The following RGS18 variants were observed in gnomAD, a reference collection of about 807,000 sequenced individuals.
The protein encoded by RGS18 is regulator of G-protein signaling 18.
Under a neutral mutation model 27.6 loss-of-function variants are expected in RGS18, and 22 were observed. That is an observed-to-expected ratio of 0.80 (90% CI 0.57 to 1.14). RGS18 has a LOEUF of 1.14. Among genes scored for constraint, RGS18 ranks in the 50% most tolerant of loss-of-function variants. The pLI, the probability that RGS18 is intolerant of heterozygous loss-of-function variation, is 0.00. For missense variants in RGS18, 299 were observed against 269.6 expected (o/e 1.11, Z -0.76); for synonymous variants, 89 against 84.6 (o/e 1.05, Z -0.29).
intron 3 of RGS18, among the ~76,000 whole-genome samples, chr1:192,174,627 A>G (rs1656325972): frequency 1.3e-5 from 2 of 151,884 alleles, no homozygotes; most frequent in Non-Finnish European, 2.9e-5. Flanking sequence ...GTTATGTACT[A>G]GTAATAATTG....
At position 192,184,563 on chromosome 1, in the gene RGS18, G is replaced by T. The variant is rs1439313817; in HGVS notation, c.*9G>T. The T allele has an allele frequency of 3.7e-6, 6 of 1,607,598 alleles. No homozygotes were observed. Among genetic ancestry groups the T allele is most frequent in the Non-Finnish European group, 4.3e-6 (5 of 1,175,890 alleles). On this transcript the variant is annotated 3_prime_UTR_variant, in exon 5 of 5. Coordinates refer to ENST00000367460, the MANE Select transcript of RGS18 (RefSeq NM_130782.3). ...TTGCCATTTGGTTATAAAGAAAATT[G>T]ATTTTGCTCATTTTTATGACAAACT...
At chr1:192,178,725 C>T (rs1021832378) in intron 3 of RGS18, among the ~76,000 whole-genome samples, 5 of 151,486 alleles carry the variant, frequency 3.3e-5, no homozygotes, top group African/African-American at 1.2e-4. Context: ...GTGTAGAAAA[C>T]TTAATCAAAG....
intron 3 of RGS18, among the ~76,000 whole-genome samples, chr1:192,175,017 C>T (rs1183272345): frequency 6.6e-6 from 1 of 151,796 alleles, no homozygotes; most frequent in African/African-American, 2.4e-5. Flanking sequence ...AATCTATCTT[C>T]TATACAACTG....
intron 3 of RGS18, among the ~76,000 whole-genome samples, chr1:192,163,081 C>A (rs181766379): frequency 1.3e-5 from 2 of 152,248 alleles, no homozygotes; most frequent in Admixed American, 1.3e-4. Flanking sequence ...GCTTCCTAAT[C>A]ACTCTGACTT....
chr1:192,168,983 T>A (rs1557935919), intron 3 of RGS18: 1 of 152,218 alleles, frequency 6.6e-6, no homozygotes, highest in Non-Finnish European at 1.5e-5. Context: ...TACAGCAATG[T>A]GCTAAGACCT....
chr1:192,159,256 G>T lies in RGS18; in HGVS notation c.156G>T (p.Val52=). The change falls in exon 2 of 5, where the codon GTG becomes GTT. Residue 52 remains valine (V), a synonymous_variant. Transcript: ENST00000367460. ...AAAGAAATAGACTAAGTCTTCTTGT[G>T]CAGAAACCTGAGTTTCATGAAGACA... The part of the protein sequence containing the change: ...KEKRNRLSLL[V]QKPEFHEDTR... 1 of 1,613,680 alleles carries T rather than the reference G, an allele frequency of 6.2e-7. No homozygotes were observed.
chr1:192,169,409 A>G (rs1298911510), intron 3 of RGS18: 1 of 152,196 alleles, frequency 6.6e-6, no homozygotes, highest in African/African-American at 2.4e-5. Context: ...CTTTGGAAAT[A>G]TGACCTTGAA....
At chr1:192,167,319 C>T (rs549566741) in intron 3 of RGS18, among the ~76,000 whole-genome samples, 1 of 152,192 alleles carries the variant, frequency 6.6e-6, no homozygotes, top group African/African-American at 2.4e-5. Context: ...TTTCAAGTTA[C>T]AGTTCCTAAT....
intron 3 of RGS18, chr1:192,169,294 A>G (rs1477152141): frequency 2.6e-5 from 4 of 152,174 alleles, no homozygotes; most frequent in Non-Finnish European, 5.9e-5. Flanking sequence ...ACGCTTATGC[A>G]TAACATGTGG....
chr1:192,167,130 A>C (rs1053655204), intron 3 of RGS18, among the ~76,000 whole-genome samples: 1 of 152,302 alleles, frequency 6.6e-6, no homozygotes, highest in Non-Finnish European at 1.5e-5. Context: ...AACAATTTGT[A>C]ACATGTAGGA....
chr1:192,170,130 G>T (rs1011523609), intron 3 of RGS18, among the ~76,000 whole-genome samples: 1 of 152,092 alleles, frequency 6.6e-6, no homozygotes, highest in East Asian at 1.9e-4. Flanking sequence ...TTTTTGTGGT[G>T]GTTTTCTTTT....
intron 3 of RGS18, among the ~76,000 whole-genome samples, chr1:192,172,284 T>C (rs548032458): frequency 6.6e-6 from 1 of 152,094 alleles, no homozygotes; most frequent in Non-Finnish European, 1.5e-5. Context: ...GAGTTTTCAC[T>C]CTTGAAAGAC....
At chr1:192,181,484 G>T in intron 4 of RGS18, 26 bp downstream of exon 4, 1 of 1,438,868 alleles carries the variant, frequency 6.9e-7, no homozygotes, top group Non-Finnish European at 9.2e-7. Flanking sequence ...CTGTAAAAAT[G>T]CATAATTGCT....
At chr1:192,165,737 C>G (rs1448762940) in intron 3 of RGS18, among the ~76,000 whole-genome samples, 1 of 152,140 alleles carries the variant, frequency 6.6e-6, no homozygotes, top group Non-Finnish European at 1.5e-5. Context: ...AGAAAATGAT[C>G]TCAGTAATGT....
chr1:192,166,708 T>C (rs968846590), intron 3 of RGS18, among the ~76,000 whole-genome samples: 4 of 152,150 alleles, frequency 2.6e-5, no homozygotes, highest in African/African-American at 7.2e-5. Flanking sequence ...ATTTTTATTA[T>C]AATAGGAAGA....
chr1:192,166,346 T>A (rs541997929), intron 3 of RGS18, among the ~76,000 whole-genome samples: 51 of 152,204 alleles, frequency 3.4e-4, no homozygotes, highest in African/African-American at 1.1e-3. Flanking sequence ...ATTCTTGAGA[T>A]AAAGGCAAGG....
At chr1:192,165,438 C>T (rs1236853670) in intron 3 of RGS18, among the ~76,000 whole-genome samples, 1 of 152,182 alleles carries the variant, frequency 6.6e-6, no homozygotes. Context: ...CATGTGATCT[C>T]TGTGACCCAC....
At chr1:192,172,884 A>AAAT (rs1553229387) in intron 3 of RGS18, among the ~76,000 whole-genome samples, 1,148 of 97,442 alleles carry the variant, frequency 0.012, 13 homozygotes, top group African/African-American at 0.03. Flanking sequence ...TATATATATA[A>AAAT]ATATATATAT....
At chr1:192,182,349 T>C (rs1656471037) in intron 4 of RGS18, among the ~76,000 whole-genome samples, 1 of 150,698 alleles carries the variant, frequency 6.6e-6, no homozygotes, top group Non-Finnish European at 1.5e-5. Flanking sequence ...TCACCAACAT[T>C]TGTTATTTTT....
Sources: gnomAD v4.1 joint callset for allele counts (sites outside exome capture counted in the v4.1 genomes callset) on GRCh38, gnomAD v4.1.1 for gene constraint, MANE v1.5 for transcripts, NCBI Gene and HGNC (gene_info 2026-07-23, HGNC 2026-07-21) for gene names.